Variants in TTLL5 observed in about 807,000 individuals in gnomAD.
TTLL5 encodes tubulin tyrosine ligase like 5, also known as tubulin polyglutamylase TTLL5.
In TTLL5, 132 loss-of-function variants were observed where a neutral mutation model predicts 168.4. That is an observed-to-expected ratio of 0.78 (90% CI 0.68 to 0.91). The LOEUF is 0.91. Among genes scored for constraint, TTLL5 ranks in the 40% least tolerant of loss-of-function variants. TTLL5 has a pLI of 0.00. For synonymous variants in TTLL5, 546 were observed against 558.6 expected, an observed-to-expected ratio of 0.98 and a Z score of 0.32; for missense variants, 1,545 against 1,581.5, an observed-to-expected ratio of 0.98 and a Z score of 0.39.
chr14:75,904,447 CTGAT>C (rs1254760840), intron 31 of TTLL5, among the ~76,000 whole-genome samples: 2 of 152,076 alleles, frequency 1.3e-5, no homozygotes, highest in Non-Finnish European at 2.9e-5. Context: ...ATTTGCGTGT[CTGAT>C]TGATAAATTA....
intron 31 of TTLL5, among the ~76,000 whole-genome samples, chr14:75,928,366 T>TATATATATATATA (rs1202108865): frequency 2.1e-5 from 3 of 142,316 alleles, no homozygotes; most frequent in African/African-American, 7.9e-5. Flanking sequence ...TATATATATA[T>TATATATATATATA]ATCACTGTAT....
intron 12 of TTLL5, 91 bp from the exon 13 acceptor site, chr14:75,732,247 C>T: frequency 9.3e-7 from 1 of 1,075,662 alleles, no homozygotes; most frequent in Non-Finnish European, 1.4e-6. Context: ...AGTTTCTAGG[C>T]CTGGGAGTTA....
At chr14:75,905,874 C>CT (rs1238267883) in intron 31 of TTLL5, among the ~76,000 whole-genome samples, 1 of 152,228 alleles carries the variant, frequency 6.6e-6, no homozygotes, top group Admixed American at 6.5e-5. Context: ...AGCCCAACCT[C>CT]TCCCTCCTTT....
chr14:75,759,971 A>C (rs1890528147), intron 18 of TTLL5, among the ~76,000 whole-genome samples: 1 of 152,092 alleles, frequency 6.6e-6, no homozygotes, highest in Non-Finnish European at 1.5e-5. Context: ...ATGTCCACTC[A>C]TACCACTTTT....
chr14:75,948,733 A>C (rs890034213), intron 31 of TTLL5, among the ~76,000 whole-genome samples: 6 of 152,204 alleles, frequency 3.9e-5, no homozygotes, highest in Non-Finnish European at 7.3e-5. Flanking sequence ...AGTTGAGAGG[A>C]ATGAGTTAGG....
Position 75,781,923 on chromosome 14 carries a change from C to T in TTLL5, c.2516-564C>T, listed in dbSNP as rs1427832897. On this transcript the variant is annotated intron_variant, in intron 24 of 31. Transcript: ENST00000298832. The stretch of plus-strand genomic sequence containing the variant: ...TGAGCCAAGATCGCGCAATTGCGCT[C>T]CAGCCTAGGCAGCAACAAGAGTGAA... 2.1e-5 allele frequency among the ~76,000 whole-genome samples: 3 copies of T among 143,110 alleles called. No homozygotes were observed. The Admixed American group carries it at 2.2e-4, about 11-fold the overall frequency. 93.9% of individuals were successfully genotyped at this position (143,110 alleles called of 152,430 possible). A position where few individuals can be genotyped will look rare whatever the true frequency, so the allele number is the denominator to read the frequency against.
At chr14:75,671,174 C>G (rs1883711579) in intron 3 of TTLL5, among the ~76,000 whole-genome samples, 2 of 152,198 alleles carry the variant, frequency 1.3e-5, no homozygotes, top group African/African-American at 4.8e-5. Context: ...CTTTTCCCCA[C>G]TGGATGGTCT....
At chr14:75,662,708 ATATATG>A (rs1180180512) in intron 1 of TTLL5, among the ~76,000 whole-genome samples, 1 of 152,144 alleles carries the variant, frequency 6.6e-6, no homozygotes, top group African/African-American at 2.4e-5. Context: ...CTAGCAAGGA[ATATATG>A]TTTTAGGGAA....
chr14:75,707,726 G>A lies in TTLL5; in HGVS notation c.740+19G>A. The A allele has an allele frequency of 1.3e-6, 2 of 1,551,328 alleles. No homozygotes were observed. The highest frequency in any genetic ancestry group is 2.3e-5 in the East Asian group (1 of 44,296). On this transcript the variant is annotated intron_variant, in intron 9 of 31. Coordinates refer to ENST00000298832, the MANE Select transcript of TTLL5 (RefSeq NM_015072.5). ...TGGCTAGGTAAGAAGCTGTTTGGGG[G>A]TGAAGGGGTTGGGTGGGTATATTAA...
chr14:75,817,200 G>A (rs1452163935), intron 27 of TTLL5, among the ~76,000 whole-genome samples: 1 of 151,400 alleles, frequency 6.6e-6, no homozygotes, highest in Non-Finnish European at 1.5e-5. Context: ...GGATGGTCTC[G>A]ATGTCTTGAC....
At position 75,663,222 on chromosome 14, in the gene TTLL5, G is replaced by A; in HGVS notation, c.73G>A (p.Glu25Lys). Reference sequence around the variant, plus strand: ...AGAGGATGAGGAGGTCATAAGTCAAGAGTAAGTAATAGCAAGCCTGCTTTC... The same window carrying A: ...AGAGGATGAGGAGGTCATAAGTCAAAAGTAAGTAATAGCAAGCCTGCTTTC... ...SSEDEEVISQ[E>K]DHPCIMWTGG... Residue 25 changes from glutamate (E) to lysine (K), a missense_variant and splice_region_variant, in exon 2 of 32, where the codon GAG becomes AAG. Coordinates refer to ENST00000298832, the MANE Select transcript of TTLL5 (RefSeq NM_015072.5). 6.2e-7 allele frequency: 1 copy of A among 1,611,726 alleles called. No individual in the cohort carries two copies. Among genetic ancestry groups the A allele is most frequent in the Non-Finnish European group, 8.5e-7 (1 of 1,179,120 alleles).
intron 31 of TTLL5, among the ~76,000 whole-genome samples, chr14:75,914,758 G>C (rs1225422955): frequency 2.0e-5 from 3 of 151,900 alleles, no homozygotes; most frequent in Non-Finnish European, 4.4e-5. Context: ...TGAGTAGCTG[G>C]GACTACAGGA....
chr14:75,750,859 G>A (rs1004295083), intron 17 of TTLL5, among the ~76,000 whole-genome samples: 1 of 152,194 alleles, frequency 6.6e-6, no homozygotes, highest in Non-Finnish European at 1.5e-5. Context: ...TACAAGTTAT[G>A]TGAATGTGGC....
At chr14:75,730,512 A>AT (rs761304697) in intron 12 of TTLL5, among the ~76,000 whole-genome samples, 90 of 152,214 alleles carry the variant, frequency 5.9e-4, no homozygotes, top group Non-Finnish European at 1.2e-3. Context: ...TATAATTACT[A>AT]TGGAAGCCAA....
intron 27 of TTLL5, among the ~76,000 whole-genome samples, chr14:75,817,830 CT>C (rs1045988787): frequency 9.5e-3 from 795 of 83,874 alleles, no homozygotes; most frequent in Middle Eastern, 0.015. Flanking sequence ...CTTTTCTTTT[CT>C]TTTTTTTTTT....
chr14:75,780,088 G>T (rs1470528077), intron 24 of TTLL5, among the ~76,000 whole-genome samples: 1 of 152,162 alleles, frequency 6.6e-6, no homozygotes, highest in African/African-American at 2.4e-5. Context: ...TGAGTAACTT[G>T]CCCAAGGTTA....
chr14:75,772,296 C>T lies in TTLL5; in HGVS notation c.2136+442C>T, dbSNP rs77943558. Among the ~76,000 whole-genome samples, 1,049 of 152,272 alleles carry T rather than the reference C, an allele frequency of 6.9e-3. 11 individuals carry two copies. Among genetic ancestry groups the T allele is most frequent in the Non-Finnish European group, 0.011 (745 of 68,016 alleles). Reference sequence around the variant, plus strand: ...AGAAGCCAAGGTTCCACAGGTTATACGTGATGAAACCAGAACTTAAACTCA... The same window carrying T: ...AGAAGCCAAGGTTCCACAGGTTATATGTGATGAAACCAGAACTTAAACTCA... On this transcript the variant is annotated intron_variant, in intron 21 of 31. Coordinates refer to ENST00000298832, the MANE Select transcript of TTLL5 (RefSeq NM_015072.5).
intron 31 of TTLL5, among the ~76,000 whole-genome samples, chr14:75,928,831 A>T (rs1237978009): frequency 6.6e-6 from 1 of 152,182 alleles, no homozygotes; most frequent in African/African-American, 2.4e-5. Context: ...TGATCTGATG[A>T]AGAGCAGGTT....
At position 75,776,758 on chromosome 14, in the gene TTLL5, A is replaced by C; in HGVS notation, c.2295A>C (p.Gln765His). The C allele has an allele frequency of 6.2e-7, 1 of 1,613,848 alleles. No homozygotes were observed. Among genetic ancestry groups the C allele is most frequent in the East Asian group, 2.2e-5 (1 of 44,876 alleles). Residue 765 changes from glutamine to histidine, a missense_variant, in exon 23 of 32, where the codon CAA becomes CAC. Gln to His is a conservative substitution (Grantham distance 24, BLOSUM62 0). Coordinates refer to ENST00000298832, the MANE Select transcript of TTLL5 (RefSeq NM_015072.5). ...TGGGCACTGGGTAGGAAACAGAACA[A>C]ATGGCTGAAAAGAAATCAAAGAAGA... ...FIIVYNKETE[Q>H]MAEKKSKKKV...
Sources: allele counts gnomAD v4.1 joint callset (sites outside exome capture counted in the v4.1 genomes callset), GRCh38; gene constraint gnomAD v4.1.1; transcripts MANE v1.5; gene names NCBI Gene and HGNC (gene_info 2026-07-23, HGNC 2026-07-21).